Variants in PPP2R2C observed in about 807,000 individuals in gnomAD.
The protein encoded by PPP2R2C is protein phosphatase 2, regulatory subunit B, gamma.
Under a neutral mutation model 45.3 loss-of-function variants are expected in PPP2R2C, and 10 were observed. That is an observed-to-expected ratio of 0.22 (90% confidence interval 0.14 to 0.37). The LOEUF is 0.37. PPP2R2C is among the 10% of genes least tolerant of loss of function. The pLI is 1.00. For missense variants in PPP2R2C, 308 were observed against 619.7 expected (o/e 0.50, Z 5.34); for synonymous variants, 257 against 245.4 (o/e 1.05, Z -0.44).
intron 6 of PPP2R2C, among the ~76,000 whole-genome samples, chr4:6,341,837 C>A (rs761089153): frequency 7.9e-5 from 12 of 152,026 alleles, no homozygotes; most frequent in Non-Finnish European, 1.6e-4. Flanking sequence ...ACAGCCCCAC[C>A]CTGCAGCCTC....
At chr4:6,437,370 C>G (rs768853937) in intron 1 of PPP2R2C, among the ~76,000 whole-genome samples, 2 of 152,234 alleles carry the variant, frequency 1.3e-5, no homozygotes. Flanking sequence ...TTCAACAACA[C>G]AGGATCTGAG....
At chr4:6,338,939 A>C (rs550018577) in intron 6 of PPP2R2C, among the ~76,000 whole-genome samples, 4 of 152,246 alleles carry the variant, frequency 2.6e-5, no homozygotes, top group Admixed American at 2.0e-4. Flanking sequence ...TGGGATCTTC[A>C]GAGGTCATGC....
chr4:6,385,435 G>T (rs1394861708), intron 1 of PPP2R2C, among the ~76,000 whole-genome samples: 3 of 152,186 alleles, frequency 2.0e-5, no homozygotes, highest in African/African-American at 7.2e-5. Context: ...CCTCTGTGAA[G>T]AAAGTCCATC....
chr4:6,426,505 G>C (rs73206184), intron 1 of PPP2R2C, among the ~76,000 whole-genome samples: 2 of 152,170 alleles, frequency 1.3e-5, no homozygotes, highest in Non-Finnish European at 2.9e-5. Context: ...GCAGCCACTC[G>C]GTCGGTGCAG....
At position 6,322,028 on chromosome 4, in the gene PPP2R2C, A is replaced by G. The variant is rs1347273387; in HGVS notation, c.*1274T>C. 1 of 152,168 alleles carries G rather than the reference A, an allele frequency of 6.6e-6. No individual in the cohort carries two copies. The highest frequency in any genetic ancestry group is 6.5e-5 in the Admixed American group (1 of 15,278). 9.4% of individuals were successfully genotyped at this position (152,168 alleles called of 1,614,324 possible). On this transcript the variant is annotated 3_prime_UTR_variant, in exon 9 of 9. Transcript: ENST00000382599. This position sits in a 1 kb window ranked among gnomAD's most constrained non-coding sequence, Gnocchi z 7.8. ...TGGGGAGGGCCACACTCCTGAAGCCACCAAGCAGAGCGAGGAGCTCCGGGG... is the reference window on the plus strand; with the variant it reads ...TGGGGAGGGCCACACTCCTGAAGCCGCCAAGCAGAGCGAGGAGCTCCGGGG...
chr4:6,508,591 AAAAAAG>A (rs917364517), intron 2 of PPP2R2C, among the ~76,000 whole-genome samples: 60 of 152,154 alleles, frequency 3.9e-4, no homozygotes, highest in Middle Eastern at 3.2e-3. Flanking sequence ...TCCATCTCAA[AAAAAAG>A]AAAAAGAAAA....
chr4:6,529,153 C>A (rs555364184), intron 2 of PPP2R2C, among the ~76,000 whole-genome samples: 2 of 152,220 alleles, frequency 1.3e-5, no homozygotes, highest in African/African-American at 4.8e-5. Context: ...GCTGCTGGGC[C>A]GTAGGCCTGA....
chr4:6,459,545 T>C (rs1446097495), intron 1 of PPP2R2C, among the ~76,000 whole-genome samples: 1 of 152,092 alleles, frequency 6.6e-6, no homozygotes, highest in African/African-American at 2.4e-5. Context: ...ACAATTACAG[T>C]AGAGAAACAG....
intron 2 of PPP2R2C, among the ~76,000 whole-genome samples, chr4:6,488,499 C>G (rs181585212): frequency 6.6e-6 from 1 of 152,050 alleles, no homozygotes; most frequent in Non-Finnish European, 1.5e-5. Context: ...ACCTAGGCAC[C>G]ATAGTGAGAA....
intron 1 of PPP2R2C, among the ~76,000 whole-genome samples, chr4:6,539,563 T>C (rs770356790): frequency 6.6e-6 from 1 of 152,088 alleles, no homozygotes; most frequent in Non-Finnish European, 1.5e-5. Context: ...GGACGATTCC[T>C]GCCACTGCTT....
At chr4:6,462,557 T>C (rs966443258) in intron 1 of PPP2R2C, among the ~76,000 whole-genome samples, 2 of 152,028 alleles carry the variant, frequency 1.3e-5, no homozygotes, top group Non-Finnish European at 2.9e-5. Flanking sequence ...TGAGTCTAGG[T>C]CAGAAAAGAC....
chr4:6,369,565 T>C (rs1560487663), intron 5 of PPP2R2C, among the ~76,000 whole-genome samples: 1 of 152,218 alleles, frequency 6.6e-6, no homozygotes. Context: ...GGGGGTTTTG[T>C]GAATGACTGG....
intron 6 of PPP2R2C, among the ~76,000 whole-genome samples, chr4:6,341,208 C>G (rs6839498): frequency 0.047 from 7,080 of 152,062 alleles, 560 homozygotes; most frequent in African/African-American, 0.16. Context: ...GTGTGGTGGC[C>G]GGCACCTGCA....
chr4:6,478,449 C>T (rs535531900), intron 2 of PPP2R2C, among the ~76,000 whole-genome samples: 4 of 152,302 alleles, frequency 2.6e-5, no homozygotes, highest in Admixed American at 2.6e-4. Flanking sequence ...TTTTCACTGA[C>T]TCAGGATCTT....
intron 1 of PPP2R2C, 55 bp from the exon 2 acceptor site, chr4:6,381,149 G>A (rs908429068): frequency 1.1e-5 from 17 of 1,553,116 alleles, no homozygotes; most frequent in African/African-American, 2.7e-5. Context: ...CGCCTCTCCC[G>A]GGTGCTCAAC....
At chr4:6,496,862 A>AAAT (rs1722894649) in intron 2 of PPP2R2C, among the ~76,000 whole-genome samples, 3 of 139,030 alleles carry the variant, frequency 2.2e-5, no homozygotes, top group Middle Eastern at 3.6e-3. Context: ...ACTCCATCTC[A>AAAT]AAATAAATAA....
chr4:6,357,249 G>A (rs568445075), intron 5 of PPP2R2C, among the ~76,000 whole-genome samples: 124 of 152,394 alleles, frequency 8.1e-4, no homozygotes, highest in Admixed American at 1.0e-3. Context: ...GCGAGGTGCT[G>A]GGCAAGGAGG....
intron 1 of PPP2R2C, among the ~76,000 whole-genome samples, chr4:6,420,386 A>G (rs1274191042): frequency 1.3e-5 from 2 of 151,920 alleles, no homozygotes; most frequent in African/African-American, 4.8e-5. Flanking sequence ...TTCTATCAAC[A>G]GCAGGCAGCC....
intron 1 of PPP2R2C, among the ~76,000 whole-genome samples, chr4:6,556,784 G>T (rs1725415025): frequency 6.6e-6 from 1 of 151,962 alleles, no homozygotes; most frequent in African/African-American, 2.4e-5. Context: ...TTTGCCTCCT[G>T]GGAGAATCTG....
Sources: gnomAD v4.1 joint callset for allele counts (sites outside exome capture counted in the v4.1 genomes callset) on GRCh38, gnomAD v4.1.1 for gene constraint, Gnocchi (gnomAD v3.1) non-coding constraint, MANE v1.5 for transcripts, NCBI Gene and HGNC (gene_info 2026-07-23, HGNC 2026-07-21) for gene names.